Variants in LHX8 observed in about 807,000 individuals in gnomAD.
The protein encoded by LHX8 is LIM homeobox 8.
LHX8 carries 12 observed loss-of-function variants against 40.3 expected under a neutral mutation model. That is an observed-to-expected ratio of 0.30 (90% CI 0.19 to 0.48). The LOEUF (loss-of-function observed/expected upper bound fraction) is 0.48, where lower values mean the gene tolerates loss of function less well. LHX8 is among the 20% of genes least tolerant of loss of function. LHX8 has a pLI of 0.99. For synonymous variants in LHX8, 179 were observed against 162.0 expected (o/e 1.10, Z -0.80); for missense variants, 344 against 433.7 (o/e 0.79, Z 1.84).
the LHX8 span, among the ~76,000 whole-genome samples, chr1:75,170,309 G>A: frequency 6.6e-6 from 1 of 152,130 alleles, no homozygotes; most frequent in African/African-American, 2.4e-5. Context: ...CAGGGAGTTA[G>A]GTAAGTGCCA....
chr1:75,183,214 T>C, the LHX8 span: 3 of 152,178 alleles, frequency 2.0e-5, no homozygotes, highest in Non-Finnish European at 4.4e-5. Flanking sequence ...CAGGTTATCA[T>C]TTATGAAAAC....
rs76024104 is a variant in LHX8 at position 75,150,518 on chromosome 1, A to T, written c.780+1836A>T. Reference sequence around the variant, plus strand: ...CGGGTTTCAGAGAGGAGAGCAGGGTAAGAGGTGCTATTTAAATGGGACGTA... The same window carrying T: ...CGGGTTTCAGAGAGGAGAGCAGGGTTAGAGGTGCTATTTAAATGGGACGTA... On this transcript the variant is annotated intron_variant, in intron 7 of 8. Coordinates refer to ENST00000356261, the MANE Select transcript of LHX8 (RefSeq NM_001256114.2). Among the ~76,000 whole-genome samples the T allele has an allele frequency of 1.6e-3, 240 of 152,226 alleles. 1 individual carries two copies. Among genetic ancestry groups the T allele is most frequent in the African/African-American group, 5.6e-3 (231 of 41,564 alleles).
chr1:75,162,280 A>G (rs1331437707), downstream of LHX8, among the ~76,000 whole-genome samples: 4 of 150,928 alleles, frequency 2.7e-5, no homozygotes, highest in Non-Finnish European at 5.9e-5. Context: ...CGGCTACTCT[A>G]TTTTAAATCC....
At chr1:75,181,216 AT>A in the LHX8 span, among the ~76,000 whole-genome samples, 1 of 152,138 alleles carries the variant, frequency 6.6e-6, no homozygotes, top group African/African-American at 2.4e-5. Flanking sequence ...CTCAAATACC[AT>A]GCTGGGAGAA....
At chr1:75,179,579 T>G in the LHX8 span, among the ~76,000 whole-genome samples, 1 of 151,242 alleles carries the variant, frequency 6.6e-6, no homozygotes, top group Admixed American at 6.6e-5. Context: ...AGCGTATGTG[T>G]GTCTCTGCAC....
At chr1:75,156,743 C>G in intron 7 of LHX8, 150 bp from the exon 8 acceptor site, 1 of 769,692 alleles carries the variant, frequency 1.3e-6, no homozygotes, top group Non-Finnish European at 2.3e-6. Flanking sequence ...TCTTTTCTGT[C>G]TATAGAACTT....
chr1:75,142,591 A>C (rs1023581328), intron 4 of LHX8, among the ~76,000 whole-genome samples: 1 of 152,174 alleles, frequency 6.6e-6, no homozygotes, highest in Non-Finnish European at 1.5e-5. Flanking sequence ...AATTTCTGTT[A>C]TATACATTCT....
At chr1:75,164,796 A>G (rs954637478), downstream of LHX8, among the ~76,000 whole-genome samples, 3 of 151,178 alleles carry the variant, frequency 2.0e-5, no homozygotes, top group African/African-American at 4.9e-5. Context: ...GATCTTCCCA[A>G]GTAGCCAGAA....
chr1:75,193,369 A>G, the LHX8 span, among the ~76,000 whole-genome samples: 78 of 152,254 alleles, frequency 5.1e-4, no homozygotes, highest in Middle Eastern at 0.01. Context: ...TGCTTCTTAC[A>G]TCTTAATGTG....
At chr1:75,145,780 T>C (rs142327751) in intron 6 of LHX8, among the ~76,000 whole-genome samples, 12 of 152,292 alleles carry the variant, frequency 7.9e-5, no homozygotes, top group African/African-American at 2.9e-4. Flanking sequence ...TTTTGAATCT[T>C]GTAGATAGCC....
intron 6 of LHX8, among the ~76,000 whole-genome samples, chr1:75,145,357 G>A (rs1253013227): frequency 1.3e-5 from 2 of 151,940 alleles, no homozygotes; most frequent in African/African-American, 2.4e-5. Context: ...AGGACTGGCT[G>A]TAATTTTAAT....
chr1:75,193,784 G>T, the LHX8 span, among the ~76,000 whole-genome samples: 3 of 152,050 alleles, frequency 2.0e-5, no homozygotes, highest in African/African-American at 7.2e-5. Context: ...TCAATTCTTT[G>T]CTTGAAGTGC....
At chr1:75,138,934 T>C (rs1413559223) in intron 3 of LHX8, among the ~76,000 whole-genome samples, 2 of 152,178 alleles carry the variant, frequency 1.3e-5, no homozygotes, top group African/African-American at 4.8e-5. Flanking sequence ...CTTTAGTGTG[T>C]AATTTCTAAC....
At position 75,134,793 on chromosome 1, in the gene LHX8, T is replaced by C; in HGVS notation, c.-174T>C. On this transcript the variant is annotated 5_prime_UTR_variant, in exon 1 of 9. Transcript: ENST00000356261. ...TCCTAAACAAGGTTCAGAAACTACC[T>C]GTAACGGCCTCATCTTCAGACCTGG... 3.0e-6 allele frequency: 1 copy of C among 338,144 alleles called. No individual in the cohort carries two copies. The highest frequency in any genetic ancestry group is 4.2e-6 in the Non-Finnish European group (1 of 239,326). 20.9% of individuals were successfully genotyped at this position (338,144 alleles called of 1,614,324 possible). A position where few individuals can be genotyped will look rare whatever the true frequency, so the allele number is the denominator to read the frequency against.
chr1:75,144,098 CATACTT>C (rs1648397043), intron 6 of LHX8, 150 bp downstream of exon 6: 1 of 670,770 alleles, frequency 1.5e-6, no homozygotes, highest in Non-Finnish European at 2.7e-6. Flanking sequence ...TATATGAAAA[CATACTT>C]ATTGCCCTAA....
the LHX8 span, among the ~76,000 whole-genome samples, chr1:75,195,290 T>A: frequency 1.5e-4 from 23 of 151,952 alleles, no homozygotes; most frequent in Non-Finnish European, 2.6e-4. Flanking sequence ...TTCCCGAGAG[T>A]AGGTAGCAAG....
chr1:75,181,852 T>A, the LHX8 span, among the ~76,000 whole-genome samples: 5 of 152,176 alleles, frequency 3.3e-5, no homozygotes, highest in African/African-American at 1.2e-4. Flanking sequence ...ATTTTGTTTT[T>A]TTTCTTGCTT....
downstream of LHX8, among the ~76,000 whole-genome samples, chr1:75,165,257 G>A (rs571798956): frequency 1.3e-5 from 2 of 152,238 alleles, no homozygotes; most frequent in East Asian, 3.9e-4. Context: ...CAACAGATGA[G>A]GGAATTGAAA....
chr1:75,135,321 C>T (rs966804857), intron 1 of LHX8, among the ~76,000 whole-genome samples: 13 of 152,232 alleles, frequency 8.5e-5, no homozygotes, highest in Non-Finnish European at 1.8e-4. Flanking sequence ...TGTCTGAGGG[C>T]CTCAGCAGGA....
Sources: allele counts gnomAD v4.1 joint callset (sites outside exome capture counted in the v4.1 genomes callset), GRCh38; gene constraint gnomAD v4.1.1; transcripts MANE v1.5; gene names NCBI Gene and HGNC (gene_info 2026-07-23, HGNC 2026-07-21).